The following ANKAR variants were observed in gnomAD, a reference collection of about 807,000 sequenced individuals.
ANKAR encodes ankyrin and armadillo repeat containing.
A neutral mutation model predicts 146.2 loss-of-function variants in ANKAR; 136 were observed. The observed-to-expected ratio is 0.93, with a 90% CI of 0.81 to 1.07. ANKAR has a LOEUF of 1.07. Ranked by LOEUF, ANKAR falls within the 50% of genes least tolerant of loss-of-function variation. The pLI, the probability that ANKAR is intolerant of heterozygous loss-of-function variation, is 0.00. For synonymous variants in ANKAR, 500 were observed against 575.8 expected, an observed-to-expected ratio of 0.87 and a Z score of 1.88; for missense variants, 1,567 against 1,679.9, an observed-to-expected ratio of 0.93 and a Z score of 1.18.
downstream of ANKAR, chr2:189,746,818 AT>A (rs1057216770): frequency 3.1e-5 from 18 of 578,330 alleles, no homozygotes; most frequent in Admixed American, 4.1e-5. Flanking sequence ...GTTTCAAAAA[AT>A]TAGGATTTCT....
chr2:189,738,506 T>G, intron 18 of ANKAR, 59 bp from the exon 19 acceptor site: 2 of 1,010,062 alleles, frequency 2.0e-6, no homozygotes, highest in Non-Finnish European at 3.0e-6. Context: ...GACAAACGTG[T>G]AATTAGAGAA....
chr2:189,735,282 G>A (rs1219687902), intron 17 of ANKAR, among the ~76,000 whole-genome samples: 2 of 152,148 alleles, frequency 1.3e-5, no homozygotes, highest in Non-Finnish European at 2.9e-5. Context: ...TTGTGCATCA[G>A]TTCTACAAAT....
intron 18 of ANKAR, chr2:189,753,841 ACAAGGT>A (rs1429151145): frequency 6.1e-6 from 9 of 1,486,918 alleles, no homozygotes; most frequent in Non-Finnish European, 1.8e-6. Context: ...CATCCTAAAC[ACAAGGT>A]CAAGGTCTTG....
At chr2:189,697,907 A>G (rs1427836040) in intron 7 of ANKAR, among the ~76,000 whole-genome samples, 1 of 151,862 alleles carries the variant, frequency 6.6e-6, no homozygotes, top group Admixed American at 6.6e-5. Context: ...GTCAGGTTGC[A>G]TATGACATGC....
At chr2:189,754,410 G>C in intron 18 of ANKAR, 1 of 1,389,602 alleles carries the variant, frequency 7.2e-7, no homozygotes, top group Non-Finnish European at 9.7e-7. Flanking sequence ...AGATGCAAAG[G>C]AAATAAATTG....
Position 189,746,513 on chromosome 2 carries a change from T to G in ANKAR, c.4191T>G (p.Ser1397=). Residue 1397 remains serine, a synonymous_variant, in exon 23 of 23, where the codon TCT becomes TCG. Coordinates refer to ENST00000684021, the MANE Select transcript of ANKAR (RefSeq NM_001378068.1). ...CCAAGGATTCCCATAATATTTTTTC[T>G]TTTTCATCTACAATTACATCAGATA... ...KKTKDSHNIF[S]FSSTITSDIT... is the part of the protein sequence containing the mutation. The G allele has an allele frequency of 1.2e-6, 2 of 1,613,958 alleles. No individual in the cohort carries two copies. The highest frequency in any genetic ancestry group is 1.7e-6 in the Non-Finnish European group (2 of 1,179,916).
At chr2:189,755,571 G>A in intron 18 of ANKAR, 1 of 1,573,054 alleles carries the variant, frequency 6.4e-7, no homozygotes, top group Non-Finnish European at 8.5e-7. Flanking sequence ...CTGAAAGAAA[G>A]AAAGACAGCA....
chr2:189,703,056 T>C (rs2038318372), intron 7 of ANKAR, among the ~76,000 whole-genome samples: 1 of 152,106 alleles, frequency 6.6e-6, no homozygotes, highest in South Asian at 2.1e-4. Context: ...TATGCTACAT[T>C]TGGGGAGCTA....
At chr2:189,704,114 T>C (rs1183321521) in intron 7 of ANKAR, among the ~76,000 whole-genome samples, 2 of 149,836 alleles carry the variant, frequency 1.3e-5, no homozygotes, top group Non-Finnish European at 3.0e-5. Flanking sequence ...TTGATAATTA[T>C]ACAGTTTTAC....
chr2:189,716,071 G>A (rs1461532296), intron 10 of ANKAR, among the ~76,000 whole-genome samples: 1 of 152,168 alleles, frequency 6.6e-6, no homozygotes, highest in East Asian at 1.9e-4. Context: ...TCAACATAGT[G>A]TTGGAAGTTC....
chr2:189,761,782 C>A, downstream of ANKAR: 1 of 955,412 alleles, frequency 1.0e-6, no homozygotes, highest in Non-Finnish European at 1.5e-6. Context: ...TTTGTAAAGG[C>A]TATAGCAACA....
chr2:189,746,542 C>T lies in ANKAR; in HGVS notation c.4220C>T (p.Thr1407Ile), dbSNP rs2044193159. ...TCATCTACAATTACATCAGATATCA[C>T]AAATGTATCAAGACCAAGAATAGTG... The part of the protein sequence containing the change: ...SFSSTITSDI[T>I]NVSRPRIVCL... The change falls in exon 23 of 23, where the codon ACA (threonine) becomes ATA (isoleucine). Residue 1407 changes from threonine (T) to isoleucine (I), a missense_variant. By Grantham distance (89) the Thr-to-Ile change is moderately conservative. Coordinates refer to ENST00000684021, the MANE Select transcript of ANKAR (RefSeq NM_001378068.1). 1 of 1,613,762 alleles carries T rather than the reference C, an allele frequency of 6.2e-7. No individual in the cohort carries two copies. The highest frequency in any genetic ancestry group is 2.2e-5 in the East Asian group (1 of 44,838).
intron 18 of ANKAR, among the ~76,000 whole-genome samples, chr2:189,753,702 C>T (rs2045641992): frequency 1.3e-5 from 2 of 152,294 alleles, no homozygotes; most frequent in South Asian, 4.1e-4. Flanking sequence ...CAAAATTAGA[C>T]TTATGTGCCA....
Position 189,695,050 on chromosome 2 carries a change from C to T in ANKAR, c.1377C>T (p.Ala459=). The T allele has an allele frequency of 6.2e-7, 1 of 1,612,156 alleles. No homozygotes were observed. Among genetic ancestry groups the T allele is most frequent in the Non-Finnish European group, 8.5e-7 (1 of 1,179,056 alleles). ...QQLYKTQWWG[A]INEIVNNLRL... ...TATATAAGACACAGTGGTGGGGAGC[C>T]ATAAATGAAATAGTGAACAATCTGA... Residue 459 remains alanine (A), a synonymous_variant, in exon 6 of 23, where the codon GCC becomes GCT. Transcript: ENST00000684021.
At chr2:189,725,370 C>A (rs2041769638) in intron 12 of ANKAR, among the ~76,000 whole-genome samples, 1 of 151,598 alleles carries the variant, frequency 6.6e-6, no homozygotes, top group African/African-American at 2.4e-5. Flanking sequence ...TACCGAGCAC[C>A]CAAATCTTGG....
chr2:189,684,164 A>G (rs1287372517), intron 2 of ANKAR, among the ~76,000 whole-genome samples: 2 of 152,156 alleles, frequency 1.3e-5, no homozygotes, highest in Non-Finnish European at 2.9e-5. Flanking sequence ...ATTGAGAAAA[A>G]ATGGGAACTT....
At chr2:189,700,353 G>T (rs1231644591) in intron 7 of ANKAR, among the ~76,000 whole-genome samples, 2 of 152,014 alleles carry the variant, frequency 1.3e-5, no homozygotes, top group African/African-American at 2.4e-5. Flanking sequence ...TTCTCTATTA[G>T]TAATGTGTTT....
At chr2:189,708,944 A>T (rs935692495) in intron 9 of ANKAR, among the ~76,000 whole-genome samples, 2 of 152,180 alleles carry the variant, frequency 1.3e-5, no homozygotes, top group African/African-American at 4.8e-5. Flanking sequence ...TCTACTAAAA[A>T]TACAAAAATC....
chr2:189,729,693 T>TGC (rs1261590540), intron 15 of ANKAR, among the ~76,000 whole-genome samples: 4 of 134,876 alleles, frequency 3.0e-5, no homozygotes, highest in South Asian at 2.4e-4. Context: ...ACATCAGCTG[T>TGC]GCGTGTGTGT....
Sources: allele counts gnomAD v4.1 joint callset (sites outside exome capture counted in the v4.1 genomes callset), GRCh38; gene constraint gnomAD v4.1.1; transcripts MANE v1.5; gene names NCBI Gene and HGNC (gene_info 2026-07-23, HGNC 2026-07-21).